SLC9A9: variants seen among roughly 807,000 people sequenced by gnomAD.
The protein encoded by SLC9A9 is solute carrier family 9 member A9.
SLC9A9 carries 62 observed loss-of-function variants against 77.8 expected under a neutral mutation model. The ratio of observed to expected loss-of-function variants is 0.80; its 90% CI spans 0.65 to 0.98. SLC9A9 has a LOEUF of 0.98. Among genes scored for constraint, SLC9A9 ranks in the 50% least tolerant of loss-of-function variants. SLC9A9 has a pLI of 0.00. For synonymous variants in SLC9A9, 320 were observed against 283.5 expected (o/e 1.13, Z -1.29); for missense variants, 775 against 774.9 (o/e 1.00, Z 0.00).
At chr3:143,497,404 C>T (rs775190212) in intron 9 of SLC9A9, among the ~76,000 whole-genome samples, 7 of 152,140 alleles carry the variant, frequency 4.6e-5, no homozygotes, top group South Asian at 2.1e-4. Context: ...CCACTCAAAT[C>T]GGTGCATTTC....
At chr3:143,445,763 G>A (rs1411758385) in intron 12 of SLC9A9, among the ~76,000 whole-genome samples, 1 of 152,228 alleles carries the variant, frequency 6.6e-6, no homozygotes, top group Non-Finnish European at 1.5e-5. Context: ...GGCCAGGGAG[G>A]TATGAGATTA....
intron 9 of SLC9A9, among the ~76,000 whole-genome samples, chr3:143,550,626 C>A (rs1037313901): frequency 1.3e-5 from 2 of 152,062 alleles, no homozygotes; most frequent in African/African-American, 4.8e-5. Context: ...TAGAATAGAG[C>A]CCCCCAAAAA....
chr3:143,542,626 T>C (rs2036708085), intron 9 of SLC9A9, among the ~76,000 whole-genome samples: 1 of 152,222 alleles, frequency 6.6e-6, no homozygotes, highest in Non-Finnish European at 1.5e-5. Context: ...TCTTTCAATA[T>C]ATCAAGATTA....
chr3:143,444,552 T>G (rs1051456283), intron 12 of SLC9A9, among the ~76,000 whole-genome samples: 3 of 152,220 alleles, frequency 2.0e-5, no homozygotes, highest in Admixed American at 6.5e-5. Context: ...GGTCCTTGAC[T>G]TTTTAATAGT....
At chr3:143,413,494 A>G (rs2034135493) in intron 12 of SLC9A9, among the ~76,000 whole-genome samples, 1 of 152,188 alleles carries the variant, frequency 6.6e-6, no homozygotes, top group Admixed American at 6.5e-5. Context: ...GTGGTGGGGC[A>G]GTGGGAGCCA....
chr3:143,466,424 G>GCTC (rs1295628609), intron 12 of SLC9A9, among the ~76,000 whole-genome samples: 4 of 152,164 alleles, frequency 2.6e-5, no homozygotes, highest in African/African-American at 9.7e-5. Flanking sequence ...CAAATTGTCT[G>GCTC]CTCCTCCCAT....
rs1377634436 is a variant in SLC9A9 at position 143,266,595 on chromosome 3, T to C, written c.*107A>G. The C allele has an allele frequency of 9.1e-7, 1 of 1,103,680 alleles. No homozygotes were observed. The highest frequency in any genetic ancestry group is 1.4e-6 in the Non-Finnish European group (1 of 736,450). 68.4% of individuals were successfully genotyped at this position (1,103,680 alleles called of 1,614,324 possible). A position where few individuals can be genotyped will look rare whatever the true frequency, so the allele number is the denominator to read the frequency against. The stretch of plus-strand genomic sequence containing the variant: ...GGCTTTGATTCTCTCCAATTTATGC[T>C]CTTAATATGTTTTCCAGCCTCTCCC... On this transcript the variant is annotated 3_prime_UTR_variant, in exon 16 of 16. Transcript: ENST00000316549.
intron 13 of SLC9A9, among the ~76,000 whole-genome samples, chr3:143,376,842 A>G (rs1223208641): frequency 6.6e-6 from 1 of 152,336 alleles, no homozygotes; most frequent in East Asian, 1.9e-4. Flanking sequence ...TTACAATGAC[A>G]TTGGAATGAC....
chr3:143,808,091 A>G (rs2008771900), intron 2 of SLC9A9, among the ~76,000 whole-genome samples: 1 of 152,228 alleles, frequency 6.6e-6, no homozygotes, highest in Non-Finnish European at 1.5e-5. Flanking sequence ...TGAGGGTAAC[A>G]GGAAAGGGAG....
At chr3:143,819,812 A>G (rs1463915254) in intron 2 of SLC9A9, among the ~76,000 whole-genome samples, 2 of 152,226 alleles carry the variant, frequency 1.3e-5, no homozygotes, top group African/African-American at 4.8e-5. Flanking sequence ...CTTCATACAC[A>G]GTGTCTCATT....
chr3:143,664,858 A>G (rs897571956), intron 5 of SLC9A9, among the ~76,000 whole-genome samples: 2 of 152,228 alleles, frequency 1.3e-5, no homozygotes, highest in African/African-American at 4.8e-5. Context: ...ACATACAAAG[A>G]GACTTAGACT....
intron 12 of SLC9A9, among the ~76,000 whole-genome samples, chr3:143,434,810 T>G (rs975152908): frequency 2.0e-5 from 3 of 152,112 alleles, no homozygotes; most frequent in South Asian, 2.1e-4. Flanking sequence ...CTAGTCCCCA[T>G]CGTCCTCCAT....
intron 2 of SLC9A9, among the ~76,000 whole-genome samples, chr3:143,802,945 T>C (rs1264684642): frequency 6.6e-6 from 1 of 152,122 alleles, no homozygotes; most frequent in African/African-American, 2.4e-5. Flanking sequence ...TATCCTCCAG[T>C]CCTCCAGCAG....
At position 143,392,122 on chromosome 3, in the gene SLC9A9, G is replaced by A. The variant is rs1462819359; in HGVS notation, c.1470-10008C>T. On this transcript the variant is annotated intron_variant, in intron 12 of 15. Transcript: ENST00000316549. ...AGAACGCCACAAACATACTCCTTGA[G>A]AAGAGCAACTCCAAGACACATAATT... Among the ~76,000 whole-genome samples, 3 of 152,246 alleles carry A rather than the reference G, an allele frequency of 2.0e-5. No individual in the cohort carries two copies. The East Asian group carries it at 5.8e-4, about 29-fold the overall frequency.
intron 6 of SLC9A9, among the ~76,000 whole-genome samples, chr3:143,586,511 G>A (rs906453996): frequency 6.6e-6 from 1 of 152,140 alleles, no homozygotes; most frequent in Admixed American, 6.5e-5. Context: ...GCAAGTAGAT[G>A]AAAAACAATT....
At chr3:143,403,791 G>GTC (rs2033912209) in intron 12 of SLC9A9, among the ~76,000 whole-genome samples, 3 of 152,156 alleles carry the variant, frequency 2.0e-5, no homozygotes, top group African/African-American at 7.2e-5. Flanking sequence ...TGAGTATAAT[G>GTC]TGTCTTGATA....
At chr3:143,529,605 G>T (rs9818164) in intron 9 of SLC9A9, among the ~76,000 whole-genome samples, 33,257 of 152,094 alleles carry the variant, frequency 0.22, 4,722 homozygotes, top group Non-Finnish European at 0.32. Context: ...CTGTAACAAA[G>T]GGAAGAGAAT....
At chr3:143,774,906 T>A (rs1319901799) in intron 4 of SLC9A9, among the ~76,000 whole-genome samples, 1 of 152,178 alleles carries the variant, frequency 6.6e-6, no homozygotes, top group African/African-American at 2.4e-5. Flanking sequence ...GTTCATTTTC[T>A]CCTCAGCTTT....
intron 11 of SLC9A9, among the ~76,000 whole-genome samples, chr3:143,484,747 T>C (rs562341154): frequency 7.2e-4 from 109 of 152,334 alleles, no homozygotes; most frequent in African/African-American, 2.5e-3. Flanking sequence ...GGTTGTGTCA[T>C]GTAGATGAGA....
Sources: allele counts gnomAD v4.1 joint callset (sites outside exome capture counted in the v4.1 genomes callset), GRCh38; gene constraint gnomAD v4.1.1; transcripts MANE v1.5; gene names NCBI Gene and HGNC (gene_info 2026-07-23, HGNC 2026-07-21).